The following EFNA5 variants were observed in gnomAD, a reference collection of about 807,000 sequenced individuals.
The protein encoded by EFNA5 is ephrin-A5.
A neutral mutation model predicts 22.9 loss-of-function variants in EFNA5; 5 were observed. The observed-to-expected ratio is 0.22, with a 90% CI of 0.11 to 0.46. The LOEUF (loss-of-function observed/expected upper bound fraction) is 0.46, where lower values mean the gene tolerates loss of function less well. EFNA5 is among the 20% of genes least tolerant of loss of function. The probability of loss-of-function intolerance (pLI) is 0.99; values close to 1 mark genes in which losing one functional copy is unlikely to be tolerated. For missense variants in EFNA5, 237 were observed against 293.3 expected (o/e 0.81, Z 1.40); for synonymous variants, 113 against 112.2 (o/e 1.01, Z -0.04).
intron 2 of EFNA5, among the ~76,000 whole-genome samples, chr5:107,412,145 G>A (rs1446970755): frequency 6.6e-6 from 1 of 152,142 alleles, no homozygotes; most frequent in Non-Finnish European, 1.5e-5. Context: ...AATATAGATT[G>A]GGTGATACTA....
At chr5:107,553,592 G>A (rs1264968172) in intron 1 of EFNA5, among the ~76,000 whole-genome samples, 2 of 152,176 alleles carry the variant, frequency 1.3e-5, no homozygotes, top group Admixed American at 6.5e-5. Flanking sequence ...AGCTCTTACT[G>A]GACTAACATA....
chr5:107,401,461 A>G (rs1314936447), intron 2 of EFNA5, among the ~76,000 whole-genome samples: 1 of 152,206 alleles, frequency 6.6e-6, no homozygotes, highest in Non-Finnish European at 1.5e-5. Flanking sequence ...CCCCAGTTTT[A>G]AAAAGATTAA....
intron 1 of EFNA5, among the ~76,000 whole-genome samples, chr5:107,463,022 C>T (rs1021944704): frequency 2.0e-5 from 3 of 152,102 alleles, no homozygotes; most frequent in African/African-American, 7.2e-5. Flanking sequence ...GTCATATACT[C>T]TCCAGGGTTC....
intron 1 of EFNA5, among the ~76,000 whole-genome samples, chr5:107,491,006 T>C (rs1746790535): frequency 6.6e-6 from 1 of 152,216 alleles, no homozygotes; most frequent in Non-Finnish European, 1.5e-5. Context: ...CATACTTGCT[T>C]AAGGCTTAAG....
intron 1 of EFNA5, among the ~76,000 whole-genome samples, chr5:107,508,868 A>G (rs1747303369): frequency 6.6e-6 from 1 of 152,234 alleles, no homozygotes; most frequent in African/African-American, 2.4e-5. Flanking sequence ...AGAATTAGGT[A>G]TATTCATTAC....
chr5:107,385,935 C>T (rs1747606223), intron 4 of EFNA5, among the ~76,000 whole-genome samples: 3 of 152,064 alleles, frequency 2.0e-5, no homozygotes, highest in South Asian at 2.1e-4. Flanking sequence ...GGGTGAGATG[C>T]CTGCCTTAGA....
intron 1 of EFNA5, among the ~76,000 whole-genome samples, chr5:107,659,455 T>C (rs1025608411): frequency 3.3e-5 from 5 of 151,812 alleles, no homozygotes; most frequent in Admixed American, 2.6e-4. Flanking sequence ...TTACCAAATC[T>C]TCTATCCAAG....
At position 107,494,739 on chromosome 5, in the gene EFNA5, G is replaced by T. The variant is rs150488418; in HGVS notation, c.126-67230C>A. Among the ~76,000 whole-genome samples, 40 of 152,302 alleles carry T rather than the reference G, an allele frequency of 2.6e-4. No individual in the cohort carries two copies. In the East Asian group the frequency reaches 7.0e-3, roughly 27 times the overall value. On this transcript the variant is annotated intron_variant, in intron 1 of 4. Coordinates refer to ENST00000333274, the MANE Select transcript of EFNA5 (RefSeq NM_001962.3). ...TATACCAATCAGCACTCTGTATCTA[G>T]CTACTCTGGTGGGGCCTTGGAGAAC... is the stretch of plus-strand genomic sequence containing the variant.
Position 107,569,566 on chromosome 5 carries a change from TA to T in EFNA5, c.125+100922del, listed in dbSNP as rs1748745912. On this transcript the variant is annotated intron_variant, in intron 1 of 4. Transcript: ENST00000333274. ...ATGTGTGTATATATATATTTATATA[TA>T]TATATATATATATATATATATATAT... Among the ~76,000 whole-genome samples, 3 of 21,204 alleles carry T rather than the reference TA, an allele frequency of 1.4e-4. No individual in the cohort carries two copies. The South Asian group carries it at 9.1e-3, about 65-fold the overall frequency. 13.9% of individuals were successfully genotyped at this position (21,204 alleles called of 152,430 possible). A position where few individuals can be genotyped will look rare whatever the true frequency, so the allele number is the denominator to read the frequency against.
intron 1 of EFNA5, among the ~76,000 whole-genome samples, chr5:107,543,249 A>C (rs1748082727): frequency 6.6e-6 from 1 of 152,202 alleles, no homozygotes; most frequent in African/African-American, 2.4e-5. Flanking sequence ...AACAAAGTAG[A>C]AGGGAAAAAA....
intron 1 of EFNA5, among the ~76,000 whole-genome samples, chr5:107,648,916 A>G (rs1339964339): frequency 6.6e-6 from 1 of 152,206 alleles, no homozygotes; most frequent in African/African-American, 2.4e-5. Flanking sequence ...CTTAACTGAA[A>G]AAACAAAGTT....
chr5:107,567,809 C>T (rs1748693225), intron 1 of EFNA5, among the ~76,000 whole-genome samples: 1 of 152,214 alleles, frequency 6.6e-6, no homozygotes, highest in Non-Finnish European at 1.5e-5. Flanking sequence ...GCACTGGGCA[C>T]TGGACATGTG....
Position 107,383,992 on chromosome 5 carries a change from C to G in EFNA5, c.566-2616G>C, listed in dbSNP as rs117691514. Among the ~76,000 whole-genome samples, 145 of 152,338 alleles carry G rather than the reference C, an allele frequency of 9.5e-4. 5 individuals carry two copies. In the East Asian group the frequency reaches 0.019, roughly 20 times the overall value. On this transcript the variant is annotated intron_variant, in intron 4 of 4. Transcript: ENST00000333274. The stretch of plus-strand genomic sequence containing the variant: ...CCCATTAGGGCATCAGGATCCTTCT[C>G]TTCTTCCTGCAACATGCTGTTCCTC...
chr5:107,579,346 A>G (rs1176989437), intron 1 of EFNA5, among the ~76,000 whole-genome samples: 2 of 152,198 alleles, frequency 1.3e-5, no homozygotes, highest in East Asian at 3.9e-4. Flanking sequence ...AAGAGCTAGT[A>G]CAGAATAAGC....
chr5:107,609,692 T>C (rs559684655), intron 1 of EFNA5, among the ~76,000 whole-genome samples: 1 of 152,222 alleles, frequency 6.6e-6, no homozygotes, highest in South Asian at 2.1e-4. Flanking sequence ...TAAAATTGTT[T>C]CTTCCTAAAT....
chr5:107,450,099 C>T lies in EFNA5; in HGVS notation c.126-22590G>A, dbSNP rs141129584. Reference sequence around the variant, plus strand: ...TTTGCCAAAAAATTTGTATTAACGACGGCAGAAAGCCGTGAAATATTTATA... The same window carrying T: ...TTTGCCAAAAAATTTGTATTAACGATGGCAGAAAGCCGTGAAATATTTATA... On this transcript the variant is annotated intron_variant, in intron 1 of 4. Transcript: ENST00000333274. Among the ~76,000 whole-genome samples the T allele has an allele frequency of 7.4e-4, 113 of 152,202 alleles. 1 individual carries two copies. In the East Asian group the frequency reaches 0.019, roughly 25 times the overall value.
chr5:107,459,698 A>G (rs1561395603), intron 1 of EFNA5, among the ~76,000 whole-genome samples: 1 of 152,142 alleles, frequency 6.6e-6, no homozygotes, highest in Non-Finnish European at 1.5e-5. Flanking sequence ...AGTGGAAGGA[A>G]AGTGGTCAGA....
intron 1 of EFNA5, among the ~76,000 whole-genome samples, chr5:107,565,575 C>T (rs1251514511): frequency 6.6e-6 from 1 of 152,136 alleles, no homozygotes; most frequent in African/African-American, 2.4e-5. Flanking sequence ...ATTTGCACAA[C>T]AAAGTTTGCT....
chr5:107,483,744 T>G lies in EFNA5; in HGVS notation c.126-56235A>C, dbSNP rs1250311863. On this transcript the variant is annotated intron_variant, in intron 1 of 4. Coordinates refer to ENST00000333274, the MANE Select transcript of EFNA5 (RefSeq NM_001962.3). The stretch of plus-strand genomic sequence containing the variant: ...ACTTTTTGTGCTTTCTGATTCTAGA[T>G]AAATATTTAGTTGCTAAGCTGCTGG... Among the ~76,000 whole-genome samples, 7 of 152,218 alleles carry G rather than the reference T, an allele frequency of 4.6e-5. No homozygotes were observed. In the South Asian group the frequency reaches 1.4e-3, roughly 31 times the overall value.
Sources: allele counts gnomAD v4.1 joint callset (sites outside exome capture counted in the v4.1 genomes callset), GRCh38; gene constraint gnomAD v4.1.1; transcripts MANE v1.5; gene names NCBI Gene and HGNC (gene_info 2026-07-23, HGNC 2026-07-21).